CATSPERB: variants seen among roughly 807,000 people sequenced by gnomAD.
CATSPERB encodes the protein catsper channel auxiliary subunit beta, also known as cation channel sperm-associated auxiliary subunit beta.
CATSPERB carries 93 observed loss-of-function variants against 128.3 expected under a neutral mutation model. That is an observed-to-expected ratio of 0.72 (90% CI 0.61 to 0.86). The LOEUF (loss-of-function observed/expected upper bound fraction) is 0.86, where lower values mean the gene tolerates loss of function less well. CATSPERB is among the 40% of genes least tolerant of loss of function. The pLI is 0.00. For missense variants in CATSPERB, 1,153 were observed against 1,329.5 expected, an observed-to-expected ratio of 0.87 and a Z score of 2.06; for synonymous variants, 381 against 448.8, an observed-to-expected ratio of 0.85 and a Z score of 1.91.
intron 5 of CATSPERB, chr14:91,709,524 C>CAAAAAAAAAAAAAAAAAAAAAA (rs71120188): frequency 5.4e-5 from 4 of 74,632 alleles, no homozygotes; most frequent in Non-Finnish European, 7.5e-5. Context: ...ACTAAAAATA[C>CAAAAAAAAAAAAAAAAAAAAAA]AAAAAAAAAA....
chr14:91,629,345 C>T (rs561670731), intron 17 of CATSPERB, among the ~76,000 whole-genome samples: 2 of 152,036 alleles, frequency 1.3e-5, no homozygotes, highest in African/African-American at 2.4e-5. Context: ...GCAAAAAGAT[C>T]GGTGGTTGCC....
chr14:91,625,376 G>T (rs889690237), intron 17 of CATSPERB, among the ~76,000 whole-genome samples: 3 of 152,058 alleles, frequency 2.0e-5, no homozygotes, highest in African/African-American at 7.2e-5. Context: ...CTATTATTAT[G>T]GCTCTATCCT....
At chr14:91,631,200 T>C (rs529612132) in intron 17 of CATSPERB, among the ~76,000 whole-genome samples, 63 of 152,368 alleles carry the variant, frequency 4.1e-4, no homozygotes, top group African/African-American at 1.5e-3. Flanking sequence ...TTGTCTATCT[T>C]GTTTACCACT....
intron 15 of CATSPERB, 38 bp from the exon 16 acceptor site, chr14:91,639,288 T>A: frequency 6.3e-7 from 1 of 1,576,610 alleles, no homozygotes; most frequent in Non-Finnish European, 8.6e-7. Flanking sequence ...GATACTGATG[T>A]AACAGAAGTC....
intron 26 of CATSPERB, among the ~76,000 whole-genome samples, chr14:91,586,166 C>G (rs1704667): frequency 1.3e-5 from 2 of 152,014 alleles, no homozygotes; most frequent in African/African-American, 2.4e-5. Context: ...TGCTAGTTTA[C>G]ATAAAGAATC....
chr14:91,589,618 T>C lies in CATSPERB; in HGVS notation c.2872A>G (p.Ile958Val), dbSNP rs1893361737. 6.2e-7 allele frequency: 1 copy of C among 1,613,930 alleles called. No homozygotes were observed. The highest frequency in any genetic ancestry group is 1.1e-5 in the South Asian group (1 of 91,054). ...ITQYPVSLEI[I>V]NEDGRVPLQS... ...AATGGGACACGTCCATCCTCGTTGA[T>C]AATTTCCAAAGAAACTGGATATTGT... is the stretch of plus-strand genomic sequence containing the variant. The change falls in exon 24 of 27, where the codon ATC (isoleucine) becomes GTC (valine). Residue 958 changes from isoleucine (I) to valine (V), a missense_variant. By Grantham distance (29) the Ile-to-Val change is conservative (BLOSUM62 3). Transcript: ENST00000256343.
At chr14:91,700,045 T>C (rs977832603) in intron 7 of CATSPERB, among the ~76,000 whole-genome samples, 52 of 152,224 alleles carry the variant, frequency 3.4e-4, no homozygotes, top group South Asian at 2.1e-4. Context: ...CAACCCATCA[T>C]TTACATTAGA....
At chr14:91,668,653 G>A (rs1388514877) in intron 14 of CATSPERB, among the ~76,000 whole-genome samples, 1 of 152,196 alleles carries the variant, frequency 6.6e-6, no homozygotes, top group African/African-American at 2.4e-5. Context: ...TTTATGAGCT[G>A]TAACACTCAC....
At chr14:91,707,548 A>G (rs956392673) in intron 6 of CATSPERB, among the ~76,000 whole-genome samples, 2 of 142,866 alleles carry the variant, frequency 1.4e-5, no homozygotes, top group African/African-American at 5.2e-5. Context: ...ATGACCCTCA[A>G]TGTGGCCACA....
At chr14:91,600,677 C>A (rs1893594605) in intron 22 of CATSPERB, among the ~76,000 whole-genome samples, 2 of 152,168 alleles carry the variant, frequency 1.3e-5, no homozygotes, top group Non-Finnish European at 2.9e-5. Flanking sequence ...AGATTTTAAG[C>A]CAGAAAAATG....
intron 10 of CATSPERB, among the ~76,000 whole-genome samples, chr14:91,688,171 G>C (rs973845539): frequency 6.6e-6 from 1 of 151,982 alleles, no homozygotes; most frequent in Admixed American, 6.6e-5. Flanking sequence ...GGATAACCAG[G>C]TCATAAACTT....
intron 16 of CATSPERB, among the ~76,000 whole-genome samples, chr14:91,638,887 T>C (rs970966308): frequency 2.0e-5 from 3 of 152,338 alleles, no homozygotes; most frequent in South Asian, 2.1e-4. Flanking sequence ...CTAGGTGGAA[T>C]TGAAGCTATA....
At chr14:91,708,384 T>G (rs939439986) in intron 5 of CATSPERB, 148 bp from the exon 6 acceptor site, 2 of 590,722 alleles carry the variant, frequency 3.4e-6, no homozygotes, top group African/African-American at 3.8e-5. Flanking sequence ...TCATACGTTT[T>G]CCCTATAAAC....
At position 91,722,195 on chromosome 14, in the gene CATSPERB, C is replaced by T. The variant is rs114212993; in HGVS notation, c.309+854G>A. Among the ~76,000 whole-genome samples, 790 of 152,218 alleles carry T rather than the reference C, an allele frequency of 5.2e-3. 7 individuals are homozygous for T. Among genetic ancestry groups the T allele is most frequent in the African/African-American group, 0.018 (739 of 41,532 alleles). ...ATCAATTCCATCCCTGGCCATGTAG[C>T]TAAGAAAAATGAAAATATATTTCCA... is the stretch of plus-strand genomic sequence containing the variant. On this transcript the variant is annotated intron_variant, in intron 4 of 26. Transcript: ENST00000256343.
intron 17 of CATSPERB, among the ~76,000 whole-genome samples, chr14:91,628,986 C>T (rs974388961): frequency 6.6e-6 from 1 of 152,194 alleles, no homozygotes; most frequent in Non-Finnish European, 1.5e-5. Context: ...TAAACATACT[C>T]TTAGCATACA....
chr14:91,586,229 C>G (rs1450822740), intron 26 of CATSPERB, among the ~76,000 whole-genome samples: 1 of 152,146 alleles, frequency 6.6e-6, no homozygotes, highest in African/African-American at 2.4e-5. Flanking sequence ...CCATGCTTTC[C>G]ACTCTTAGAG....
At chr14:91,634,067 C>T (rs988731485) in intron 17 of CATSPERB, among the ~76,000 whole-genome samples, 2 of 152,072 alleles carry the variant, frequency 1.3e-5, no homozygotes, top group African/African-American at 2.4e-5. Context: ...ACTTTTAATT[C>T]CCCCCAAATT....
intron 13 of CATSPERB, 72 bp from the exon 14 acceptor site, chr14:91,670,044 C>T (rs1895060521): frequency 7.6e-7 from 1 of 1,315,420 alleles, no homozygotes. Flanking sequence ...CTGTTACTTG[C>T]ATTTTGATTA....
rs56339789 is a variant in CATSPERB, at chr14:91,647,632, A to G, written c.1433-8382T>C. Among the ~76,000 whole-genome samples the G allele has an allele frequency of 8.6e-3, 1,309 of 152,310 alleles. 17 individuals carry two copies. Among genetic ancestry groups the G allele is most frequent in the African/African-American group, 0.03 (1,247 of 41,562 alleles). Reference sequence around the variant, plus strand: ...GTCACATCTTACATGGTAGCAGGCAAGAGAGCTTATGCAGGGGAACTCCTT... The same window carrying G: ...GTCACATCTTACATGGTAGCAGGCAGGAGAGCTTATGCAGGGGAACTCCTT... On this transcript the variant is annotated intron_variant, in intron 15 of 26. Transcript: ENST00000256343.
Sources: allele counts gnomAD v4.1 joint callset (sites outside exome capture counted in the v4.1 genomes callset), GRCh38; gene constraint gnomAD v4.1.1; transcripts MANE v1.5; gene names NCBI Gene and HGNC (gene_info 2026-07-23, HGNC 2026-07-21).